The following USP50 variants were observed in gnomAD, a reference collection of about 807,000 sequenced individuals.
The protein encoded by USP50 is ubiquitin specific peptidase 50.
USP50 carries 37 observed loss-of-function variants against 39.2 expected under a neutral mutation model. The observed-to-expected ratio is 0.94, with a 90% CI of 0.73 to 1.24. The LOEUF (loss-of-function observed/expected upper bound fraction) is 1.24. Among genes scored for constraint, USP50 ranks in the 50% most tolerant of loss-of-function variants. The pLI, the probability that USP50 is intolerant of heterozygous loss-of-function variation, is 0.00. For missense variants in USP50, 374 were observed against 398.2 expected (o/e 0.94, Z 0.52); for synonymous variants, 139 against 144.5 (o/e 0.96, Z 0.27).
chr15:50,525,600 G>T (rs932762175), intron 6 of USP50, among the ~76,000 whole-genome samples: 3 of 142,846 alleles, frequency 2.1e-5, no homozygotes, highest in African/African-American at 7.8e-5. Context: ...ATGTATATAT[G>T]TATATGTATA....
intron 5 of USP50, 57 bp from the exon 6 acceptor site, chr15:50,529,986 C>T (rs1194171792): frequency 8.8e-6 from 14 of 1,598,228 alleles, no homozygotes; most frequent in African/African-American, 2.7e-5. Context: ...ACTCATTTGT[C>T]TACATGACAA....
chr15:50,539,989 T>C (rs1170477612), intron 4 of USP50, among the ~76,000 whole-genome samples: 2 of 152,202 alleles, frequency 1.3e-5, no homozygotes, highest in South Asian at 2.1e-4. Flanking sequence ...AGGAATTTCT[T>C]TCCAACAATC....
intron 6 of USP50, among the ~76,000 whole-genome samples, chr15:50,519,718 A>T (rs1335292259): frequency 1.3e-5 from 2 of 148,718 alleles, no homozygotes; most frequent in Admixed American, 1.3e-4. Context: ...CCGTCTCTTA[A>T]AAAAAAAAAG....
chr15:50,500,795 A>G lies in USP50; in HGVS notation c.979T>C (p.Cys327Arg). The G allele has an allele frequency of 6.3e-7, 1 of 1,590,954 alleles. No individual in the cohort carries two copies. Among genetic ancestry groups the G allele is most frequent in the Non-Finnish European group, 8.6e-7 (1 of 1,168,222 alleles). The change falls in exon 7 of 7, where the codon TGC (cysteine) becomes CGC (arginine). Residue 327 changes from cysteine to arginine, a missense_variant. By Grantham distance (180) the Cys-to-Arg change is radical. Transcript: ENST00000532404. Reference sequence around the variant, plus strand: ...CAGGCCTGGGTGACTGAATTCTTGCAGAAAGCAGTGTAGTGGCCACCATCC... The same window carrying G: ...CAGGCCTGGGTGACTGAATTCTTGCGGAAAGCAGTGTAGTGGCCACCATCC... The part of the protein sequence containing the change: ...DLDGGHYTAF[C>R]KNSVTQA
In USP50 at chr15:50,541,355, A is replaced by G; in HGVS notation, c.445-91T>C. ...GGTGAGATCCCATCTCTACAAAAAA[A>G]ACAAAAAATTAGCTAGGCATGGTGG... On this transcript the variant is annotated intron_variant, in intron 3 of 6. Transcript: ENST00000532404. 3.5e-6 allele frequency: 4 copies of G among 1,133,404 alleles called. 1 individual carries two copies. In the South Asian group the frequency reaches 5.9e-5, roughly 17 times the overall value. The allele number at this position is 1,133,404 out of a possible 1,614,324, so 70.2% of individuals were successfully genotyped here. A position where few individuals can be genotyped will look rare whatever the true frequency, so the allele number is the denominator to read the frequency against.
chr15:50,508,751 A>G (rs1431402863), intron 6 of USP50: 1 of 152,134 alleles, frequency 6.6e-6, no homozygotes, highest in Admixed American at 6.6e-5. Flanking sequence ...TAATCCCTGC[A>G]CTTTGGGAGG....
intron 1 of USP50, among the ~76,000 whole-genome samples, chr15:50,495,534 C>A (rs1408464790): frequency 6.6e-6 from 1 of 151,738 alleles, no homozygotes; most frequent in Non-Finnish European, 1.5e-5. Context: ...ACTCCTGGCC[C>A]CAAGCAGTCC....
intron 3 of USP50, 66 bp from the exon 4 acceptor site, chr15:50,541,330 G>A (rs2053028662): frequency 7.1e-7 from 1 of 1,406,010 alleles, no homozygotes; most frequent in East Asian, 2.3e-5. Context: ...GTGGCAACAT[G>A]GTGAGATCCC....
intron 6 of USP50, among the ~76,000 whole-genome samples, chr15:50,522,052 C>A (rs2052855229): frequency 6.6e-6 from 1 of 152,100 alleles, no homozygotes; most frequent in African/African-American, 2.4e-5. Flanking sequence ...AATTATACAT[C>A]AACAAATTGG....
intron 6 of USP50, among the ~76,000 whole-genome samples, chr15:50,515,257 T>G (rs12915841): frequency 0.26 from 40,054 of 151,784 alleles, 6,289 homozygotes; most frequent in East Asian, 0.56. Flanking sequence ...TGTTGTTGTT[T>G]TTGAGACGGA....
At chr15:50,498,584 T>G (rs768250912), downstream of USP50, 3 of 1,601,612 alleles carry the variant, frequency 1.9e-6, no homozygotes, top group Admixed American at 3.4e-5. Flanking sequence ...ATTGTAATGT[T>G]TTGTTCTGCA....
At position 50,543,922 on chromosome 15, in the gene USP50, G is replaced by T. The variant is rs1050942684; in HGVS notation, c.249-129C>A. 7.0e-6 allele frequency: 6 copies of T among 855,154 alleles called. No homozygotes were observed. The African/African-American group carries it at 1.0e-4, about 14-fold the overall frequency. 53.0% of individuals were successfully genotyped at this position (855,154 alleles called of 1,614,324 possible). On this transcript the variant is annotated intron_variant, in intron 2 of 6. Coordinates refer to ENST00000532404, the MANE Select transcript of USP50 (RefSeq NM_203494.5). The stretch of plus-strand genomic sequence containing the variant: ...TCATGCCTGTAACCCCAGCACTTTG[G>T]GAGGCCAATGCAGGAGGATAGCTTG...
chr15:50,543,739 C>T lies in USP50; in HGVS notation c.303G>A (p.Leu101=). The T allele has an allele frequency of 1.9e-6, 3 of 1,610,612 alleles. No homozygotes were observed. The change falls in exon 3 of 7, where the codon CTG becomes CTA. Residue 101 remains leucine, a synonymous_variant. Coordinates refer to ENST00000532404, the MANE Select transcript of USP50 (RefSeq NM_203494.5). ...CTGGTGAGACACAGTCTGAGTCTCC[C>T]AGCCACATGTCTGTCATCAGATAGG... The part of the protein sequence containing the change: ...AFAYLMTDMW[L]GDSDCVSPEI...
At chr15:50,522,809 C>A (rs1394631091) in intron 6 of USP50, among the ~76,000 whole-genome samples, 1 of 152,104 alleles carries the variant, frequency 6.6e-6, no homozygotes, top group East Asian at 1.9e-4. Context: ...CCACGCCAGG[C>A]TAATTATTTT....
chr15:50,502,421 T>C lies in USP50; in HGVS notation c.937-1584A>G, dbSNP rs557202391. ...TCTTGCTCTGTTGCCCAGGCTGGAG[T>C]GCAGTGACGTGATCTCAGCTCACCA... On this transcript the variant is annotated intron_variant, in intron 6 of 6. Coordinates refer to ENST00000532404, the MANE Select transcript of USP50 (RefSeq NM_203494.5). The C allele has an allele frequency of 7.3e-5, 11 of 151,682 alleles. 1 individual carries two copies. The East Asian group carries it at 2.1e-3, about 30-fold the overall frequency. The allele number at this position is 151,682 out of a possible 1,614,324, so 9.4% of individuals were successfully genotyped here.
intron 6 of USP50, chr15:50,512,482 G>A (rs2052751057): frequency 6.6e-6 from 1 of 151,876 alleles, no homozygotes; most frequent in African/African-American, 2.4e-5. Context: ...ACAACTCTGT[G>A]AATGTACTAA....
At chr15:50,532,119 A>G in intron 5 of USP50, 1 of 456,306 alleles carries the variant, frequency 2.2e-6, no homozygotes, top group Non-Finnish European at 4.4e-6. Flanking sequence ...TCTGAGAGTT[A>G]AAAACTCCAA....
At chr15:50,520,317 T>C (rs931077346) in intron 6 of USP50, among the ~76,000 whole-genome samples, 1 of 151,384 alleles carries the variant, frequency 6.6e-6, no homozygotes, top group Non-Finnish European at 1.5e-5. Flanking sequence ...TTTTTTTTTT[T>C]TGAGATAGGG....
intron 6 of USP50, among the ~76,000 whole-genome samples, chr15:50,522,269 A>G (rs2052856762): frequency 6.6e-6 from 1 of 152,154 alleles, no homozygotes; most frequent in Admixed American, 6.5e-5. Flanking sequence ...TACAAAAGAT[A>G]CAAAAATTAG....
Sources: gnomAD v4.1 joint callset for allele counts (sites outside exome capture counted in the v4.1 genomes callset) on GRCh38, gnomAD v4.1.1 for gene constraint, MANE v1.5 for transcripts, NCBI Gene and HGNC (gene_info 2026-07-23, HGNC 2026-07-21) for gene names.